The following BIRC6 variants were observed in gnomAD, a reference collection of about 807,000 sequenced individuals.
The protein encoded by BIRC6 is dual E2 ubiquitin-conjugating enzyme/E3 ubiquitin-protein ligase BIRC6.
Under a neutral mutation model 503.3 loss-of-function variants are expected in BIRC6, and 98 were observed. That is an observed-to-expected ratio of 0.19 (90% CI 0.17 to 0.23). The LOEUF is 0.23. Ranked by LOEUF, BIRC6 falls within the 10% of genes least tolerant of loss-of-function variation. The pLI is 1.00. For synonymous variants in BIRC6, 2,240 were observed against 2,078.7 expected (o/e 1.08, Z -2.11); for missense variants, 5,360 against 5,806.0 (o/e 0.92, Z 2.50).
chr2:32,380,184 A>C lies in BIRC6; in HGVS notation c.539A>C (p.Lys180Thr). Residue 180 changes from lysine to threonine, a missense_variant, in exon 3 of 74, where the codon AAG becomes ACG. By Grantham distance (78) the Lys-to-Thr change is moderately conservative. Around this residue, in one of 16 missense-constraint regions of BIRC6, gnomAD observed 134 missense variants for 150.9 expected, o/e 0.89. Transcript: ENST00000421745. ...AQQLLSACLE[K>T]VDISSTEGYD... is the part of the protein sequence containing the mutation. ...CAGCTCTTATCAGCATGTTTAGAAA[A>C]GGTAGATATTTCTAGTACAGAGGGT... The C allele has an allele frequency of 6.3e-7, 1 of 1,577,134 alleles. No homozygotes were observed. Among genetic ancestry groups the C allele is most frequent in the South Asian group, 1.2e-5 (1 of 84,406 alleles).
At chr2:32,600,832 A>G (rs2062007496) in intron 70 of BIRC6, among the ~76,000 whole-genome samples, 1 of 152,150 alleles carries the variant, frequency 6.6e-6, no homozygotes, top group Admixed American at 6.5e-5. Flanking sequence ...CTTAGGTCCT[A>G]TATCTACAGA....
At position 32,478,382 on chromosome 2, in the gene BIRC6, C is replaced by T. The variant is rs1193530598; in HGVS notation, c.7069-253C>T. ...GACTTTTAATGTCATGATTGCTTTT[C>T]TGTGGCATATTCACTGTTCGTAGAA... is the stretch of plus-strand genomic sequence containing the variant. On this transcript the variant is annotated intron_variant, in intron 35 of 73. Coordinates refer to ENST00000421745, the MANE Select transcript of BIRC6 (RefSeq NM_016252.4). Among the ~76,000 whole-genome samples the T allele has an allele frequency of 2.6e-5, 4 of 152,052 alleles. No individual in the cohort carries two copies. In the East Asian group the frequency reaches 7.7e-4, roughly 29 times the overall value.
intron 1 of BIRC6, among the ~76,000 whole-genome samples, chr2:32,371,146 G>A (rs1192595709): frequency 7.1e-6 from 1 of 141,774 alleles, no homozygotes; most frequent in Non-Finnish European, 1.5e-5. Context: ...CTGGGAGGCA[G>A]AGGTTGCAGT....
At chr2:32,591,730 T>C (rs1167474723) in intron 66 of BIRC6, among the ~76,000 whole-genome samples, 1 of 152,234 alleles carries the variant, frequency 6.6e-6, no homozygotes, top group African/African-American at 2.4e-5. Flanking sequence ...TATTTTATTA[T>C]GGCTGTAATC....
chr2:32,496,558 T>C (rs1027013445), intron 45 of BIRC6, among the ~76,000 whole-genome samples: 1 of 152,200 alleles, frequency 6.6e-6, no homozygotes, highest in African/African-American at 2.4e-5. Flanking sequence ...ATAGAATTTA[T>C]GTTTTTGTCT....
In BIRC6 at chr2:32,510,271, G is replaced by A. The variant is rs542719001; in HGVS notation, c.10238-255G>A. ...TTTTTGTATTTTTAGTAGAGATGGG[G>A]TTTCTCCATATTGATCAGGCTGGTT... On this transcript the variant is annotated intron_variant, in intron 52 of 73. Transcript: ENST00000421745. 2.6e-5 allele frequency among the ~76,000 whole-genome samples: 4 copies of A among 152,186 alleles called. No homozygotes were observed. The South Asian group carries it at 6.2e-4, about 24-fold the overall frequency.
chr2:32,433,548 C>T (rs879000058), intron 12 of BIRC6, 96 bp from the exon 13 acceptor site: 2 of 1,153,428 alleles, frequency 1.7e-6, no homozygotes, highest in Admixed American at 2.8e-5. Flanking sequence ...TTGGAAGCTG[C>T]AAAGCAAAAA....
chr2:32,473,039 T>C, intron 32 of BIRC6, 73 bp from the exon 33 acceptor site: 2 of 1,341,290 alleles, frequency 1.5e-6, no homozygotes, highest in South Asian at 1.4e-5. Context: ...GTGTTTTTTG[T>C]TTTCTGGGTA....
chr2:32,375,744 T>TC (rs954841582), intron 1 of BIRC6, among the ~76,000 whole-genome samples: 38 of 23,782 alleles, frequency 1.6e-3, no homozygotes, highest in African/African-American at 0.011. Flanking sequence ...TTTCTCTCTC[T>TC]TTTTTTTTTT....
At chr2:32,402,746 T>C (rs1225970776) in intron 8 of BIRC6, among the ~76,000 whole-genome samples, 4 of 152,220 alleles carry the variant, frequency 2.6e-5, no homozygotes, top group Non-Finnish European at 4.4e-5. Flanking sequence ...GCTTAATTTC[T>C]GTGATTTCTT....
intron 73 of BIRC6, among the ~76,000 whole-genome samples, chr2:32,614,319 C>T (rs2151780765): frequency 6.6e-6 from 1 of 152,280 alleles, no homozygotes; most frequent in South Asian, 2.1e-4. Flanking sequence ...TTCTTTAGTG[C>T]ATTACCAGGC....
intron 9 of BIRC6, among the ~76,000 whole-genome samples, chr2:32,414,202 GGGA>G (rs2042186762): frequency 6.6e-6 from 1 of 152,116 alleles, no homozygotes; most frequent in Non-Finnish European, 1.5e-5. Flanking sequence ...GCTTGAACCT[GGGA>G]GGCGGAGGTT....
chr2:32,611,005 G>T (rs765680956), intron 72 of BIRC6, among the ~76,000 whole-genome samples: 5 of 152,088 alleles, frequency 3.3e-5, no homozygotes, highest in Admixed American at 2.0e-4. Context: ...GATTACAGGC[G>T]TGAGCCACCA....
chr2:32,566,931 A>G (rs2059574063), intron 65 of BIRC6, among the ~76,000 whole-genome samples: 1 of 152,180 alleles, frequency 6.6e-6, no homozygotes, highest in South Asian at 2.1e-4. Flanking sequence ...CAAATAGAGA[A>G]TCAGTTTTCT....
At chr2:32,513,367 T>TA (rs1353308902) in intron 54 of BIRC6, among the ~76,000 whole-genome samples, 1 of 152,238 alleles carries the variant, frequency 6.6e-6, no homozygotes, top group Non-Finnish European at 1.5e-5. Flanking sequence ...TTCTTTTTTT[T>TA]AACCTAAAAT....
intron 33 of BIRC6, among the ~76,000 whole-genome samples, chr2:32,473,743 GTGTGTGTA>G (rs2049370490): frequency 7.6e-6 from 1 of 131,408 alleles, no homozygotes; most frequent in Admixed American, 7.6e-5. Context: ...GTGTGTGTGT[GTGTGTGTA>G]TTTTTTTTTT....
chr2:32,371,088 C>T (rs754255346), intron 1 of BIRC6, among the ~76,000 whole-genome samples: 7 of 151,456 alleles, frequency 4.6e-5, no homozygotes, highest in Non-Finnish European at 8.8e-5. Flanking sequence ...TGTCACACAC[C>T]TGTAGTCTCA....
chr2:32,581,163 A>G (rs2060649420), intron 66 of BIRC6, among the ~76,000 whole-genome samples: 1 of 152,200 alleles, frequency 6.6e-6, no homozygotes, highest in Non-Finnish European at 1.5e-5. Flanking sequence ...AGGTCCTGGA[A>G]TGGCAGGGTG....
chr2:32,612,504 T>C (rs535886671), intron 73 of BIRC6, among the ~76,000 whole-genome samples: 2 of 152,198 alleles, frequency 1.3e-5, no homozygotes, highest in South Asian at 4.1e-4. Flanking sequence ...ACTGGCTTGT[T>C]ATCTTCTAAC....
Sources: gnomAD v4.1 joint callset for allele counts (sites outside exome capture counted in the v4.1 genomes callset) on GRCh38, gnomAD v4.1.1 for gene constraint, gnomAD v4.1.1 regional missense constraint, MANE v1.5 for transcripts, NCBI Gene and HGNC (gene_info 2026-07-23, HGNC 2026-07-21) for gene names.